SEMA5A: variants seen among roughly 807,000 people sequenced by gnomAD.
SEMA5A encodes semaphorin-5A.
A neutral mutation model predicts 135.5 loss-of-function variants in SEMA5A; 55 were observed. The ratio of observed to expected loss-of-function variants is 0.41; its 90% CI spans 0.33 to 0.51. SEMA5A has a LOEUF of 0.51. Among genes scored for constraint, SEMA5A ranks in the 20% least tolerant of loss-of-function variants. The pLI is 0.37. For missense variants in SEMA5A, 1,290 were observed against 1,419.9 expected, an observed-to-expected ratio of 0.91 and a Z score of 1.47; for synonymous variants, 580 against 546.5, an observed-to-expected ratio of 1.06 and a Z score of -0.85.
At chr5:9,534,922 C>A (rs779864752) in intron 1 of SEMA5A, among the ~76,000 whole-genome samples, 1 of 152,202 alleles carries the variant, frequency 6.6e-6, no homozygotes, top group Non-Finnish European at 1.5e-5. Flanking sequence ...GGGCACATAA[C>A]CACAGTGAAG....
intron 1 of SEMA5A, among the ~76,000 whole-genome samples, chr5:9,452,653 C>T (rs1758688560): frequency 6.6e-6 from 1 of 152,152 alleles, no homozygotes; most frequent in Non-Finnish European, 1.5e-5. Flanking sequence ...CTTTTAGCTT[C>T]TAGCCACACT....
At chr5:9,057,687 G>T (rs1400701200) in intron 18 of SEMA5A, among the ~76,000 whole-genome samples, 1 of 152,242 alleles carries the variant, frequency 6.6e-6, no homozygotes, top group African/African-American at 2.4e-5. Context: ...ACCAATTTCA[G>T]CAGTCAAAGA....
In SEMA5A at chr5:9,391,152, C is replaced by T. The variant is rs114666086; in HGVS notation, c.-77-11129G>A. Among the ~76,000 whole-genome samples, 272 of 152,280 alleles carry T rather than the reference C, an allele frequency of 1.8e-3. 4 individuals carry two copies. The highest frequency in any genetic ancestry group is 5.8e-3 in the African/African-American group (242 of 41,546). On this transcript the variant is annotated intron_variant, in intron 2 of 22. Coordinates refer to ENST00000382496, the MANE Select transcript of SEMA5A (RefSeq NM_003966.3). ...TTATTCCTACTAACTAACTTCTTGT[C>T]GGGCCTGAAAATGTGTTTTCTTAGA... is the stretch of plus-strand genomic sequence containing the variant.
chr5:9,097,104 A>T (rs1044806685), intron 16 of SEMA5A, among the ~76,000 whole-genome samples: 7 of 152,170 alleles, frequency 4.6e-5, no homozygotes, highest in Admixed American at 3.9e-4. Context: ...GGGGGGAAAA[A>T]GCATACTGTG....
chr5:9,259,553 T>C (rs1034313464), intron 5 of SEMA5A, among the ~76,000 whole-genome samples: 1 of 151,926 alleles, frequency 6.6e-6, no homozygotes, highest in Non-Finnish European at 1.5e-5. Flanking sequence ...GAGAGTTCTG[T>C]AGATGTCTAT....
chr5:9,216,303 T>C (rs1487376205), intron 8 of SEMA5A, among the ~76,000 whole-genome samples: 2 of 152,182 alleles, frequency 1.3e-5, no homozygotes, highest in Non-Finnish European at 2.9e-5. Flanking sequence ...TTTTGAGTGA[T>C]TTTCTTAGTC....
intron 1 of SEMA5A, among the ~76,000 whole-genome samples, chr5:9,485,519 G>C (rs1486314050): frequency 6.6e-6 from 1 of 152,140 alleles, no homozygotes; most frequent in African/African-American, 2.4e-5. Context: ...AGATTAATTG[G>C]GGGAGCATGT....
At chr5:9,046,047 AAAAC>A (rs1225085702) in intron 21 of SEMA5A, 13 of 152,262 alleles carry the variant, frequency 8.5e-5, no homozygotes, top group African/African-American at 1.4e-4. Context: ...TGGGTAAAGT[AAAAC>A]AGGGCCTTAT....
chr5:9,271,040 A>C (rs1340116218), intron 5 of SEMA5A, among the ~76,000 whole-genome samples: 1 of 152,094 alleles, frequency 6.6e-6, no homozygotes, highest in Non-Finnish European at 1.5e-5. Flanking sequence ...CTCACGTTAA[A>C]TTGTAACCTC....
At chr5:9,485,876 G>A (rs1453055953) in intron 1 of SEMA5A, among the ~76,000 whole-genome samples, 1 of 152,152 alleles carries the variant, frequency 6.6e-6, no homozygotes, top group Non-Finnish European at 1.5e-5. Flanking sequence ...GGCTTTAAAA[G>A]TAGTGTAATT....
chr5:9,368,507 T>C (rs558137134), intron 3 of SEMA5A, among the ~76,000 whole-genome samples: 27 of 152,342 alleles, frequency 1.8e-4, no homozygotes, highest in East Asian at 7.7e-4. Flanking sequence ...CATCTTGATA[T>C]AGAATATTTG....
chr5:9,505,116 G>A (rs551104055), intron 1 of SEMA5A, among the ~76,000 whole-genome samples: 1 of 151,568 alleles, frequency 6.6e-6, no homozygotes, highest in South Asian at 2.1e-4. Context: ...TCCTGCATTT[G>A]AGCAGAAAAG....
chr5:9,133,347 A>G (rs986751038), intron 13 of SEMA5A, among the ~76,000 whole-genome samples: 4 of 152,200 alleles, frequency 2.6e-5, no homozygotes, highest in African/African-American at 9.7e-5. Flanking sequence ...AGCCTATATA[A>G]CCCAGAAATA....
chr5:9,097,722 C>T (rs1372435070), intron 16 of SEMA5A, among the ~76,000 whole-genome samples: 2 of 151,944 alleles, frequency 1.3e-5, no homozygotes, highest in Non-Finnish European at 1.5e-5. Context: ...GGCCCAAGTG[C>T]CATATGGCAT....
At chr5:9,329,468 C>T (rs1169431705) in intron 4 of SEMA5A, among the ~76,000 whole-genome samples, 1 of 152,236 alleles carries the variant, frequency 6.6e-6, no homozygotes, top group African/African-American at 2.4e-5. Context: ...AAGTCCTCAT[C>T]AGGTAGAGAA....
At chr5:9,452,629 C>A (rs1461084676) in intron 1 of SEMA5A, among the ~76,000 whole-genome samples, 1 of 152,100 alleles carries the variant, frequency 6.6e-6, no homozygotes, top group Admixed American at 6.5e-5. Context: ...TTAATCCAGA[C>A]CAAACAAAAC....
At chr5:9,189,672 C>T (rs1365600869) in intron 11 of SEMA5A, among the ~76,000 whole-genome samples, 2 of 152,116 alleles carry the variant, frequency 1.3e-5, no homozygotes, top group Non-Finnish European at 1.5e-5. Context: ...CACCCAGAGC[C>T]GTCTGTGTAA....
chr5:9,439,840 G>A (rs2126677009), intron 1 of SEMA5A, among the ~76,000 whole-genome samples: 1 of 152,370 alleles, frequency 6.6e-6, no homozygotes, highest in South Asian at 2.1e-4. Flanking sequence ...ACAGGACAGA[G>A]CTCTCTTGGC....
intron 11 of SEMA5A, among the ~76,000 whole-genome samples, chr5:9,167,660 C>T (rs568043188): frequency 6.6e-6 from 1 of 152,198 alleles, no homozygotes; most frequent in African/African-American, 2.4e-5. Flanking sequence ...GGAGTGGGAA[C>T]CTTTTCTCAC....
Sources: allele counts gnomAD v4.1 joint callset (sites outside exome capture counted in the v4.1 genomes callset), GRCh38; gene constraint gnomAD v4.1.1; transcripts MANE v1.5; gene names NCBI Gene and HGNC (gene_info 2026-07-23, HGNC 2026-07-21).